The following GIGYF2 variants were observed in gnomAD, a reference collection of about 807,000 sequenced individuals.
GIGYF2 encodes the protein GRB10 interacting GYF protein 2.
Under a neutral mutation model 208.1 loss-of-function variants are expected in GIGYF2, and 25 were observed. The observed-to-expected ratio is 0.12, with a 90% CI of 0.09 to 0.17. The LOEUF (loss-of-function observed/expected upper bound fraction) is 0.17, where lower values mean the gene tolerates loss of function less well. Among genes scored for constraint, GIGYF2 ranks in the 10% least tolerant of loss-of-function variants. The pLI, the probability that GIGYF2 is intolerant of heterozygous loss-of-function variation, is 1.00. For synonymous variants in GIGYF2, 534 were observed against 543.8 expected (o/e 0.98, Z 0.25); for missense variants, 1,302 against 1,579.4 (o/e 0.82, Z 2.98).
At position 232,702,804 on chromosome 2, in the gene GIGYF2, A is replaced by G. The variant is rs143014599; in HGVS notation, c.-109-620A>G. On this transcript the variant is annotated intron_variant, in intron 1 of 28. Transcript: ENST00000373563. ...CGGCTTTTGTTTTTCTGTTAGATAT[A>G]TATTTTTTGAGATAAGGTCTCACTC... Among the ~76,000 whole-genome samples the G allele has an allele frequency of 2.2e-3, 338 of 152,204 alleles. 1 individual carries two copies. Among genetic ancestry groups the G allele is most frequent in the African/African-American group, 7.4e-3 (307 of 41,544 alleles).
chr2:232,813,610 A>G lies in GIGYF2; in HGVS notation c.2107+1119A>G, dbSNP rs79134736. Among the ~76,000 whole-genome samples, 1,167 of 152,190 alleles carry G rather than the reference A, an allele frequency of 7.7e-3. 14 individuals are homozygous for G. Among genetic ancestry groups the G allele is most frequent in the African/African-American group, 0.026 (1,078 of 41,518 alleles). ...TAGTTGGTGTTGAAGATCCTCAAGA[A>G]CTATAGGCCTTGGTGGAGTTTTTCT... is the stretch of plus-strand genomic sequence containing the variant. On this transcript the variant is annotated intron_variant, in intron 18 of 28. Transcript: ENST00000373563.
In GIGYF2 at chr2:232,735,155, G is replaced by A; in HGVS notation, c.-43G>A. On this transcript the variant is annotated splice_region_variant and 5_prime_UTR_variant, in exon 3 of 29. Transcript: ENST00000373563. ...ATGGAGATATTTTTCTCGTTAACAG[G>A]TTTCTTCACATATAAAAATCTATTG... is the stretch of plus-strand genomic sequence containing the variant. The A allele has an allele frequency of 7.3e-7, 1 of 1,371,682 alleles. No individual in the cohort carries two copies. Among genetic ancestry groups the A allele is most frequent in the East Asian group, 2.3e-5 (1 of 43,780 alleles). 85.0% of individuals were successfully genotyped at this position (1,371,682 alleles called of 1,614,324 possible).
At chr2:232,698,159 G>A (rs1339502669) in intron 1 of GIGYF2, 1 of 152,224 alleles carries the variant, frequency 6.6e-6, no homozygotes, top group Non-Finnish European at 1.5e-5. Flanking sequence ...AGGGAATGGG[G>A]GCATGAAAGA....
intron 2 of GIGYF2, among the ~76,000 whole-genome samples, chr2:232,712,631 T>C (rs774012903): frequency 6.6e-5 from 10 of 152,184 alleles, no homozygotes; most frequent in Non-Finnish European, 1.2e-4. Flanking sequence ...GTTTTTGCAA[T>C]AGAAGATTCT....
chr2:232,821,168 A>G (rs577463013), intron 21 of GIGYF2, among the ~76,000 whole-genome samples: 18 of 151,376 alleles, frequency 1.2e-4, no homozygotes, highest in African/African-American at 3.6e-4. Context: ...CACTTTGACA[A>G]TGTCCAATTT....
At chr2:232,835,235 C>G (rs1004934166) in intron 22 of GIGYF2, among the ~76,000 whole-genome samples, 1 of 152,152 alleles carries the variant, frequency 6.6e-6, no homozygotes, top group Non-Finnish European at 1.5e-5. Context: ...TTTATCCAAT[C>G]CTCTGTTGAT....
chr2:232,724,320 C>T (rs71421658), intron 2 of GIGYF2, among the ~76,000 whole-genome samples: 6 of 148,918 alleles, frequency 4.0e-5, no homozygotes, highest in Middle Eastern at 3.2e-3. Context: ...GGCCTCCTAA[C>T]GTGCTGGGAT....
intron 22 of GIGYF2, among the ~76,000 whole-genome samples, chr2:232,834,874 T>C: frequency 6.6e-6 from 1 of 152,176 alleles, no homozygotes; most frequent in East Asian, 1.9e-4. Flanking sequence ...ATTTAGGGCA[T>C]GCAAGTGTAG....
Position 232,729,136 on chromosome 2 carries a change from G to A in GIGYF2, c.-43-6019G>A, listed in dbSNP as rs114000146. On this transcript the variant is annotated intron_variant, in intron 2 of 28. Transcript: ENST00000373563. ...TTGGACTGCAGGAGCATACCACCAC[G>A]CGTGACTAACTTTTGTATTTTGTGT... Among the ~76,000 whole-genome samples the A allele has an allele frequency of 7.2e-3, 1,091 of 152,118 alleles. 15 individuals carry two copies. The highest frequency in any genetic ancestry group is 0.024 in the African/African-American group (1,002 of 41,494).
intron 3 of GIGYF2, among the ~76,000 whole-genome samples, chr2:232,746,057 A>C (rs1162999875): frequency 6.6e-6 from 1 of 152,102 alleles, no homozygotes; most frequent in Non-Finnish European, 1.5e-5. Context: ...CCAGAGTTTG[A>C]GACTAGGTTG....
At chr2:232,814,135 C>T (rs1264959038) in intron 18 of GIGYF2, among the ~76,000 whole-genome samples, 1 of 151,242 alleles carries the variant, frequency 6.6e-6, no homozygotes, top group Non-Finnish European at 1.5e-5. Context: ...ATCCGCCTGC[C>T]TCTGCCTCCC....
chr2:232,821,231 C>G (rs1290039589), intron 21 of GIGYF2, among the ~76,000 whole-genome samples: 2 of 152,200 alleles, frequency 1.3e-5, no homozygotes, highest in African/African-American at 4.8e-5. Flanking sequence ...AAGACAAAGT[C>G]TCGCTCTGTT....
rs1484944719 is a variant in GIGYF2, at chr2:232,860,096, C to A, written c.*3236C>A. Reference sequence around the variant, plus strand: ...TATTATAGCCATTTTTGGGAAATATCTGCATAAAATGAGTTTATGCATACA... The same window carrying A: ...TATTATAGCCATTTTTGGGAAATATATGCATAAAATGAGTTTATGCATACA... On this transcript the variant is annotated 3_prime_UTR_variant, in exon 29 of 29. Coordinates refer to ENST00000373563, the MANE Select transcript of GIGYF2 (RefSeq NM_001103146.3). 6.6e-6 allele frequency: 1 copy of A among 152,134 alleles called. No homozygotes were observed. Among genetic ancestry groups the A allele is most frequent in the Admixed American group, 6.5e-5 (1 of 15,270 alleles). The allele number at this position is 152,134 out of a possible 1,614,324, so 9.4% of individuals were successfully genotyped here.
chr2:232,855,332 C>T (rs973771794), intron 28 of GIGYF2, among the ~76,000 whole-genome samples: 6 of 152,194 alleles, frequency 3.9e-5, no homozygotes, highest in African/African-American at 1.4e-4. Flanking sequence ...AAGTAATCCA[C>T]CCACCTCGGC....
At chr2:232,699,885 T>C (rs1347335369) in intron 1 of GIGYF2, among the ~76,000 whole-genome samples, 1 of 152,196 alleles carries the variant, frequency 6.6e-6, no homozygotes, top group Non-Finnish European at 1.5e-5. Context: ...GTAGAACTTT[T>C]TGTGCTGAGT....
chr2:232,800,006 C>T (rs1436287047), intron 14 of GIGYF2, among the ~76,000 whole-genome samples: 1 of 148,840 alleles, frequency 6.7e-6, no homozygotes, highest in African/African-American at 2.5e-5. Context: ...TTTTAGTTCT[C>T]TATATATTCT....
At chr2:232,729,096 A>C (rs948543667) in intron 2 of GIGYF2, among the ~76,000 whole-genome samples, 8 of 152,040 alleles carry the variant, frequency 5.3e-5, no homozygotes, top group Non-Finnish European at 8.8e-5. Flanking sequence ...CTCCCACCTC[A>C]GCCTCCCAAG....
chr2:232,709,028 A>G (rs1232054322), intron 2 of GIGYF2, among the ~76,000 whole-genome samples: 1 of 152,110 alleles, frequency 6.6e-6, no homozygotes, highest in Non-Finnish European at 1.5e-5. Flanking sequence ...AGGCTGTGGC[A>G]TCAGAATCTC....
intron 21 of GIGYF2, among the ~76,000 whole-genome samples, chr2:232,821,070 A>G (rs1395771042): frequency 6.6e-6 from 1 of 151,996 alleles, no homozygotes; most frequent in Non-Finnish European, 1.5e-5. Context: ...GCCTCAAATG[A>G]TCTGCCTGCC....
Sources: gnomAD v4.1 joint callset for allele counts (sites outside exome capture counted in the v4.1 genomes callset) on GRCh38, gnomAD v4.1.1 for gene constraint, MANE v1.5 for transcripts, NCBI Gene and HGNC (gene_info 2026-07-23, HGNC 2026-07-21) for gene names.